BEND5: variants seen among roughly 807,000 people sequenced by gnomAD.
The protein encoded by BEND5 is BEN domain containing 5.
A neutral mutation model predicts 43.9 loss-of-function variants in BEND5; 22 were observed. The ratio of observed to expected loss-of-function variants is 0.50; its 90% CI spans 0.36 to 0.72. BEND5 has a LOEUF of 0.72. BEND5 is among the 30% of genes least tolerant of loss of function. BEND5 has a pLI of 0.00. For missense variants in BEND5, 428 were observed against 550.6 expected, an observed-to-expected ratio of 0.78 and a Z score of 2.23; for synonymous variants, 228 against 225.9, an observed-to-expected ratio of 1.01 and a Z score of -0.08.
At chr1:48,739,878 A>G (rs986142079) in intron 4 of BEND5, among the ~76,000 whole-genome samples, 2 of 152,224 alleles carry the variant, frequency 1.3e-5, no homozygotes, top group Non-Finnish European at 2.9e-5. Flanking sequence ...CTCCTTAATT[A>G]CTGCAGAGCT....
At chr1:48,765,205 A>C (rs1260609874) in intron 1 of BEND5, among the ~76,000 whole-genome samples, 1 of 152,242 alleles carries the variant, frequency 6.6e-6, no homozygotes, top group Non-Finnish European at 1.5e-5. Context: ...GAGTAACCTC[A>C]TCAGGGCAGG....
At chr1:48,741,577 G>C (rs1385158238) in intron 4 of BEND5, among the ~76,000 whole-genome samples, 3 of 152,244 alleles carry the variant, frequency 2.0e-5, no homozygotes, top group Non-Finnish European at 4.4e-5. Context: ...CCACATCCAA[G>C]AGAGTCCTGA....
chr1:48,764,367 A>G (rs552307020), intron 1 of BEND5, among the ~76,000 whole-genome samples: 1 of 152,342 alleles, frequency 6.6e-6, no homozygotes, highest in African/African-American at 2.4e-5. Flanking sequence ...CTATGTGTTA[A>G]AAACTTGAGC....
At chr1:48,758,828 C>T in intron 3 of BEND5, 72 bp downstream of exon 3, 1 of 1,362,598 alleles carries the variant, frequency 7.3e-7, no homozygotes, top group Non-Finnish European at 9.8e-7. Context: ...CTCCCCTTTC[C>T]CTTCCTGGAA....
intron 4 of BEND5, among the ~76,000 whole-genome samples, chr1:48,741,707 CAG>C (rs770842733): frequency 5.9e-5 from 9 of 152,224 alleles, no homozygotes; most frequent in Admixed American, 1.3e-4. Context: ...ATCAACCTAA[CAG>C]AGAATGATAC....
chr1:48,766,888 T>C (rs1301645332), intron 1 of BEND5, among the ~76,000 whole-genome samples: 1 of 152,248 alleles, frequency 6.6e-6, no homozygotes, highest in Non-Finnish European at 1.5e-5. Context: ...CTATGCTAAG[T>C]AGTCCTTGTG....
At chr1:48,765,247 G>C (rs1352678142) in intron 1 of BEND5, among the ~76,000 whole-genome samples, 1 of 152,118 alleles carries the variant, frequency 6.6e-6, no homozygotes, top group Non-Finnish European at 1.5e-5. Context: ...ATACAATAGA[G>C]ACTCATCAAA....
Position 48,747,733 on chromosome 1 carries a change from C to G in BEND5, c.746-4962G>C, listed in dbSNP as rs1224380922. 4.6e-5 allele frequency among the ~76,000 whole-genome samples: 7 copies of G among 152,228 alleles called. No individual in the cohort carries two copies. The East Asian group carries it at 1.4e-3, about 29-fold the overall frequency. On this transcript the variant is annotated intron_variant, in intron 3 of 5. Transcript: ENST00000371833. ...GGGCAACAAATACATGAAATTACAC[C>G]ATTTTCTATTCTTGTTGTATCGTAA...
rs1160754233 is a variant in BEND5 at position 48,776,875 on chromosome 1, G to C, written c.-44C>G. ...GCCCCGGTCGGGCAGCTCAGCCCGC[G>C]GGGCGGGCGCGGAGGTGGGGATCCG... On this transcript the variant is annotated 5_prime_UTR_variant, in exon 1 of 6. Transcript: ENST00000371833. The C allele has an allele frequency of 1.0e-5, 14 of 1,378,718 alleles. No individual in the cohort carries two copies. The highest frequency in any genetic ancestry group is 1.5e-5 in the African/African-American group (1 of 64,846). The allele number at this position is 1,378,718 out of a possible 1,614,324, so 85.4% of individuals were successfully genotyped here.
At chr1:48,766,933 C>A (rs1644560678) in intron 1 of BEND5, among the ~76,000 whole-genome samples, 1 of 152,174 alleles carries the variant, frequency 6.6e-6, no homozygotes, top group Admixed American at 6.5e-5. Context: ...ATGATAAGAA[C>A]CCAACCAAAA....
At chr1:48,757,578 T>C (rs1644006412) in intron 3 of BEND5, among the ~76,000 whole-genome samples, 1 of 152,204 alleles carries the variant, frequency 6.6e-6, no homozygotes, top group Non-Finnish European at 1.5e-5. Flanking sequence ...AGTCCCAATG[T>C]CATTTCCTTT....
intron 3 of BEND5, 109 bp downstream of exon 3, chr1:48,758,791 C>T: frequency 9.9e-7 from 1 of 1,006,368 alleles, no homozygotes; most frequent in Non-Finnish European, 1.4e-6. Flanking sequence ...TCTGTCCTTC[C>T]CTAGCCTCAG....
In BEND5 at chr1:48,750,495, G is replaced by C. The variant is rs143989320; in HGVS notation, c.746-7724C>G. Among the ~76,000 whole-genome samples the C allele has an allele frequency of 5.0e-3, 757 of 152,306 alleles. 1 individual carries two copies. Among genetic ancestry groups the C allele is most frequent in the Admixed American group, 6.9e-3 (105 of 15,296 alleles). Reference sequence around the variant, plus strand: ...CTCTCCTACCCCAGCCATGTAAGGAGCTCTCTTTTGTATCCTTTCCCAACA... The same window carrying C: ...CTCTCCTACCCCAGCCATGTAAGGACCTCTCTTTTGTATCCTTTCCCAACA... On this transcript the variant is annotated intron_variant, in intron 3 of 5. Coordinates refer to ENST00000371833, the MANE Select transcript of BEND5 (RefSeq NM_024603.4).
intron 3 of BEND5, among the ~76,000 whole-genome samples, chr1:48,757,307 C>T (rs1185625181): frequency 6.6e-6 from 1 of 152,216 alleles, no homozygotes; most frequent in East Asian, 1.9e-4. Context: ...CCCATCACCA[C>T]TACAAGAACA....
intron 2 of BEND5, chr1:48,759,500 G>C: frequency 5.2e-6 from 5 of 953,190 alleles, no homozygotes; most frequent in East Asian, 2.9e-5. Context: ...GAAGGGGCTT[G>C]CCCAAAGTCA....
Position 48,748,087 on chromosome 1 carries a change from A to G in BEND5, c.746-5316T>C, listed in dbSNP as rs79127277. Among the ~76,000 whole-genome samples the G allele has an allele frequency of 9.1e-3, 1,393 of 152,310 alleles. 23 individuals are homozygous for G. The highest frequency in any genetic ancestry group is 0.032 in the African/African-American group (1,311 of 41,558). On this transcript the variant is annotated intron_variant, in intron 3 of 5. Coordinates refer to ENST00000371833, the MANE Select transcript of BEND5 (RefSeq NM_024603.4). ...ACATCTGCTGTGGCACACAGAAAGT[A>G]CTAGATTTGGCAGAATAGAGATGAT...
Position 48,759,171 on chromosome 1 carries a change from C to G in BEND5, c.474G>C (p.Glu158Asp). 6.2e-7 allele frequency: 1 copy of G among 1,614,130 alleles called. No homozygotes were observed. Among genetic ancestry groups the G allele is most frequent in the Non-Finnish European group, 8.5e-7 (1 of 1,180,008 alleles). ...LSLGHSTCPEEVFVEASPGTE... is the reference protein window; with the variant it reads ...LSLGHSTCPEDVFVEASPGTE... ...TGCCTGGCGAGGCCTCCACGAAGACCTCTTCCGGACACGTGCTATGGCCCA... is the reference window on the plus strand; with the variant it reads ...TGCCTGGCGAGGCCTCCACGAAGACGTCTTCCGGACACGTGCTATGGCCCA... Residue 158 changes from glutamate (E) to aspartate (D), a missense_variant, in exon 3 of 6, where the codon GAG (glutamate) becomes GAC (aspartate). Transcript: ENST00000371833.
chr1:48,750,600 G>A (rs1348815856), intron 3 of BEND5, among the ~76,000 whole-genome samples: 2 of 152,212 alleles, frequency 1.3e-5, no homozygotes, highest in Non-Finnish European at 2.9e-5. Flanking sequence ...CTTTAAGGTG[G>A]CAAGGGGGGC....
Position 48,736,114 on chromosome 1 carries a change from G to T in BEND5, c.1108+125C>A. 1 of 1,100,434 alleles carries T rather than the reference G, an allele frequency of 9.1e-7. No individual in the cohort carries two copies. Among genetic ancestry groups the T allele is most frequent in the Non-Finnish European group, 1.3e-6 (1 of 745,950 alleles). 68.2% of individuals were successfully genotyped at this position (1,100,434 alleles called of 1,614,324 possible). A position where few individuals can be genotyped will look rare whatever the true frequency, so the allele number is the denominator to read the frequency against. ...TTGGGTTATCCGCTTGGTGTCCCCG[G>T]GCTCAGCCCAGGGTCTGGCATGCAG... On this transcript the variant is annotated intron_variant, in intron 5 of 5. Transcript: ENST00000371833. This position sits in a 1 kb window ranked among gnomAD's most constrained non-coding sequence, Gnocchi z 4.0.
Sources: gnomAD v4.1 joint callset for allele counts (sites outside exome capture counted in the v4.1 genomes callset) on GRCh38, gnomAD v4.1.1 for gene constraint, Gnocchi (gnomAD v3.1) non-coding constraint, MANE v1.5 for transcripts, NCBI Gene and HGNC (gene_info 2026-07-23, HGNC 2026-07-21) for gene names.